Variants in CCSER1 observed in about 807,000 individuals in gnomAD.
CCSER1 encodes coiled-coil serine rich protein 1.
A neutral mutation model predicts 82.0 loss-of-function variants in CCSER1; 41 were observed. The ratio of observed to expected loss-of-function variants is 0.50; its 90% CI spans 0.39 to 0.65. The LOEUF is 0.65. Ranked by LOEUF, CCSER1 falls within the 30% of genes least tolerant of loss-of-function variation. The probability of loss-of-function intolerance (pLI) is 0.00; values close to 1 mark genes in which losing one functional copy is unlikely to be tolerated. For synonymous variants in CCSER1, 414 were observed against 383.9 expected (o/e 1.08, Z -0.92); for missense variants, 1,119 against 1,064.2 (o/e 1.05, Z -0.72).
At chr4:90,248,644 G>T (rs548761095) in intron 1 of CCSER1, among the ~76,000 whole-genome samples, 29 of 152,154 alleles carry the variant, frequency 1.9e-4, no homozygotes, top group African/African-American at 6.7e-4. Context: ...CTAGAGGAGG[G>T]TGGATTTAAA....
intron 5 of CCSER1, among the ~76,000 whole-genome samples, chr4:90,485,826 G>A (rs1578738529): frequency 6.6e-6 from 1 of 151,992 alleles, no homozygotes; most frequent in African/African-American, 2.4e-5. Flanking sequence ...CTGTTAGTTT[G>A]CTAAGGATAA....
chr4:91,205,411 A>T (rs1344415584), intron 10 of CCSER1, among the ~76,000 whole-genome samples: 1 of 151,816 alleles, frequency 6.6e-6, no homozygotes, highest in East Asian at 1.9e-4. Flanking sequence ...TTAATTACAG[A>T]CAATTCATGT....
chr4:90,919,475 A>G (rs961491961), intron 8 of CCSER1, among the ~76,000 whole-genome samples: 1 of 151,904 alleles, frequency 6.6e-6, no homozygotes, highest in Non-Finnish European at 1.5e-5. Context: ...ATATAGATAT[A>G]TATTACTTGA....
intron 5 of CCSER1, among the ~76,000 whole-genome samples, chr4:90,548,868 G>T (rs77913167): frequency 5.9e-5 from 9 of 151,770 alleles, no homozygotes; most frequent in Non-Finnish European, 8.8e-5. Context: ...CAAAAGAATC[G>T]TTTGAAAGAG....
chr4:91,072,237 A>G (rs1386750903), intron 9 of CCSER1, among the ~76,000 whole-genome samples: 3 of 152,196 alleles, frequency 2.0e-5, no homozygotes, highest in Non-Finnish European at 2.9e-5. Context: ...AGCAACAATA[A>G]TCACAGACAC....
chr4:90,903,573 A>G (rs753555943), intron 8 of CCSER1, among the ~76,000 whole-genome samples: 14 of 152,140 alleles, frequency 9.2e-5, no homozygotes, highest in Non-Finnish European at 1.3e-4. Context: ...ATGGAAAGTA[A>G]ACACCTTCCT....
chr4:90,209,418 G>T (rs1257482700), intron 1 of CCSER1, among the ~76,000 whole-genome samples: 1 of 152,156 alleles, frequency 6.6e-6, no homozygotes, highest in African/African-American at 2.4e-5. Context: ...CTAAGGTAAA[G>T]GTGAAGGAGT....
chr4:91,465,953 A>C (rs1756874663), intron 10 of CCSER1, among the ~76,000 whole-genome samples: 1 of 152,206 alleles, frequency 6.6e-6, no homozygotes, highest in Admixed American at 6.5e-5. Context: ...ATTCTTTCTG[A>C]AACTATTCCA....
intron 1 of CCSER1, among the ~76,000 whole-genome samples, chr4:90,146,804 C>T (rs1016096917): frequency 2.6e-5 from 4 of 151,870 alleles, no homozygotes; most frequent in African/African-American, 4.8e-5. Context: ...TTACTTTGAC[C>T]GGGCTGTTAT....
intron 4 of CCSER1, among the ~76,000 whole-genome samples, chr4:90,401,674 C>A (rs1426795363): frequency 6.6e-6 from 1 of 152,078 alleles, no homozygotes; most frequent in Non-Finnish European, 1.5e-5. Flanking sequence ...GCTGGGACTG[C>A]AAATGCATGC....
At chr4:91,454,166 TAAAAC>T (rs1756016792) in intron 10 of CCSER1, among the ~76,000 whole-genome samples, 1 of 152,112 alleles carries the variant, frequency 6.6e-6, no homozygotes, top group Non-Finnish European at 1.5e-5. Context: ...CTTTCTGGCT[TAAAAC>T]AATACACGTT....
intron 4 of CCSER1, among the ~76,000 whole-genome samples, chr4:90,413,417 A>G (rs1424503682): frequency 6.6e-6 from 1 of 152,184 alleles, no homozygotes; most frequent in African/African-American, 2.4e-5. Flanking sequence ...TCAAAACACT[A>G]CCATTATTCT....
intron 10 of CCSER1, among the ~76,000 whole-genome samples, chr4:91,223,540 G>A (rs1737917598): frequency 6.6e-6 from 1 of 152,142 alleles, no homozygotes; most frequent in African/African-American, 2.4e-5. Flanking sequence ...CTCTGGCACA[G>A]ATGGCCTCAG....
At chr4:90,381,401 G>C (rs186587533) in intron 3 of CCSER1, among the ~76,000 whole-genome samples, 1 of 152,182 alleles carries the variant, frequency 6.6e-6, no homozygotes, top group East Asian at 1.9e-4. Context: ...ACGGGAAAAT[G>C]GTGAAAACAA....
At chr4:90,837,341 C>T (rs1761934577) in intron 8 of CCSER1, among the ~76,000 whole-genome samples, 1 of 151,878 alleles carries the variant, frequency 6.6e-6, no homozygotes, top group Non-Finnish European at 1.5e-5. Flanking sequence ...TTTGAATTAC[C>T]CATAATTACA....
intron 10 of CCSER1, among the ~76,000 whole-genome samples, chr4:91,252,806 T>C (rs918989568): frequency 1.3e-5 from 2 of 152,142 alleles, no homozygotes; most frequent in African/African-American, 4.8e-5. Flanking sequence ...GAGAAATTTC[T>C]TTCTCATTTT....
rs1740974837 is a variant in CCSER1 at position 91,031,443 on chromosome 4, T to C, written c.2173-54507T>C. ...ATGAATGGATTTTATTTTCAAGGTGTTTATTCCCTCTGGTGACTGATATAT... is the reference window on the plus strand; with the variant it reads ...ATGAATGGATTTTATTTTCAAGGTGCTTATTCCCTCTGGTGACTGATATAT... On this transcript the variant is annotated intron_variant, in intron 9 of 10. Coordinates refer to ENST00000509176, the MANE Select transcript of CCSER1 (RefSeq NM_001145065.2). Among the ~76,000 whole-genome samples the C allele has an allele frequency of 2.6e-5, 4 of 152,146 alleles. No homozygotes were observed. The South Asian group carries it at 8.3e-4, about 31-fold the overall frequency.
chr4:90,548,749 T>TATATATATATATATAC (rs950440676), intron 5 of CCSER1, among the ~76,000 whole-genome samples: 2 of 147,764 alleles, frequency 1.4e-5, no homozygotes, highest in African/African-American at 5.0e-5. Flanking sequence ...TATATATATA[T>TATATATATATATATAC]ACACACACAC....
chr4:91,118,097 C>T (rs1373974066), intron 10 of CCSER1, among the ~76,000 whole-genome samples: 1 of 151,820 alleles, frequency 6.6e-6, no homozygotes, highest in Non-Finnish European at 1.5e-5. Flanking sequence ...TTTTGTTATC[C>T]CTGATTCAAT....
Sources: allele counts gnomAD v4.1 joint callset (sites outside exome capture counted in the v4.1 genomes callset), GRCh38; gene constraint gnomAD v4.1.1; transcripts MANE v1.5; gene names NCBI Gene and HGNC (gene_info 2026-07-23, HGNC 2026-07-21).